Variants in ZNRF2 observed in about 807,000 individuals in gnomAD.
The protein encoded by ZNRF2 is E3 ubiquitin-protein ligase ZNRF2.
In ZNRF2, 16 loss-of-function variants were observed where a neutral mutation model predicts 20.4. The ratio of observed to expected loss-of-function variants is 0.79; its 90% CI spans 0.53 to 1.19. The LOEUF is 1.19. ZNRF2 is among the 50% of genes most tolerant of loss of function. The pLI, the probability that ZNRF2 is intolerant of heterozygous loss-of-function variation, is 0.00. For missense variants in ZNRF2, 363 were observed against 332.4 expected (o/e 1.09, Z -0.72); for synonymous variants, 178 against 144.9 (o/e 1.23, Z -1.64).
intron 1 of ZNRF2, among the ~76,000 whole-genome samples, chr7:30,293,131 A>C (rs1469838662): frequency 6.6e-6 from 1 of 152,096 alleles, no homozygotes; most frequent in Non-Finnish European, 1.5e-5. Flanking sequence ...GAGGTATGAG[A>C]GAAAATGAAG....
Position 30,314,730 on chromosome 7 carries a change from T to G in ZNRF2, c.470-8912T>G, listed in dbSNP as rs1424486063. Among the ~76,000 whole-genome samples, 6 of 152,072 alleles carry G rather than the reference T, an allele frequency of 3.9e-5. No homozygotes were observed. In the East Asian group the frequency reaches 5.8e-4, roughly 15 times the overall value. On this transcript the variant is annotated intron_variant, in intron 1 of 4. Coordinates refer to ENST00000323037, the MANE Select transcript of ZNRF2 (RefSeq NM_147128.4). ...ATTTTTTCACTTGTTATGGGGGAAT[T>G]ATTAAATCTCAAGTACTTTATCGCT...
At position 30,302,253 on chromosome 7, in the gene ZNRF2, T is replaced by G. The variant is rs575764181; in HGVS notation, c.469+16427T>G. Among the ~76,000 whole-genome samples, 5 of 152,324 alleles carry G rather than the reference T, an allele frequency of 3.3e-5. No homozygotes were observed. The East Asian group carries it at 9.6e-4, about 29-fold the overall frequency. On this transcript the variant is annotated intron_variant, in intron 1 of 4. Coordinates refer to ENST00000323037, the MANE Select transcript of ZNRF2 (RefSeq NM_147128.4). ...TCTGTAAACCCAAGCTGCACATGGC[T>G]TAAATGTTCTTTTGTATTTTCGCTG...
At chr7:30,320,165 C>G (rs1016789548) in intron 1 of ZNRF2, among the ~76,000 whole-genome samples, 2 of 151,838 alleles carry the variant, frequency 1.3e-5, no homozygotes, top group African/African-American at 4.8e-5. Flanking sequence ...CTCTGAAGAC[C>G]CCTCTGCCAT....
chr7:30,318,598 A>G (rs941511058), intron 1 of ZNRF2, among the ~76,000 whole-genome samples: 3 of 152,318 alleles, frequency 2.0e-5, no homozygotes, highest in Admixed American at 6.5e-5. Context: ...GTTTAGGATC[A>G]GTCCCTTTTT....
chr7:30,363,403 A>G (rs1357755449), intron 4 of ZNRF2, among the ~76,000 whole-genome samples: 1 of 152,204 alleles, frequency 6.6e-6, no homozygotes, highest in East Asian at 1.9e-4. Context: ...AAGTATAGAG[A>G]GGTTAAGAAA....
intron 1 of ZNRF2, among the ~76,000 whole-genome samples, chr7:30,298,397 T>G (rs1562604813): frequency 6.6e-6 from 1 of 152,190 alleles, no homozygotes; most frequent in East Asian, 1.9e-4. Flanking sequence ...ACTTTTAAAG[T>G]GGGGGGCACT....
Position 30,285,494 on chromosome 7 carries a change from C to T in ZNRF2, c.137C>T (p.Ala46Val). 1.9e-6 allele frequency: 2 copies of T among 1,069,824 alleles called. No individual in the cohort carries two copies. The highest frequency in any genetic ancestry group is 2.9e-5 in the South Asian group (1 of 34,590). 66.3% of individuals were successfully genotyped at this position (1,069,824 alleles called of 1,614,324 possible). ...GGGGGARAAA[A>V]GRFPAQVPSA... is the part of the protein sequence containing the mutation. ...GGCGGGGGCGCTCGGGCCGCCGCCGCGGGGAGGTTCCCGGCTCAGGTGCCC... is the reference window on the plus strand; with the variant it reads ...GGCGGGGGCGCTCGGGCCGCCGCCGTGGGGAGGTTCCCGGCTCAGGTGCCC... The change falls in exon 1 of 5, where the codon GCG becomes GTG. Residue 46 changes from alanine to valine, a missense_variant. Coordinates refer to ENST00000323037, the MANE Select transcript of ZNRF2 (RefSeq NM_147128.4).
chr7:30,323,393 G>A (rs1192467398), intron 1 of ZNRF2, among the ~76,000 whole-genome samples: 2 of 152,174 alleles, frequency 1.3e-5, no homozygotes, highest in African/African-American at 2.4e-5. Context: ...AGAGATACAG[G>A]AGTTTGTAGT....
intron 2 of ZNRF2, among the ~76,000 whole-genome samples, chr7:30,334,686 C>T (rs1799689941): frequency 6.6e-6 from 1 of 152,114 alleles, no homozygotes; most frequent in Admixed American, 6.5e-5. Context: ...TCTTGCATGA[C>T]AGTATGAATC....
chr7:30,334,438 G>C (rs1799686697), intron 2 of ZNRF2, among the ~76,000 whole-genome samples: 2 of 152,220 alleles, frequency 1.3e-5, no homozygotes, highest in East Asian at 3.9e-4. Flanking sequence ...GATGCCTCTG[G>C]CATTGTTCTC....
Position 30,284,823 on chromosome 7 carries a change from CT to C in ZNRF2, c.-532del, listed in dbSNP as rs1798740708. On this transcript the variant is annotated 5_prime_UTR_variant, in exon 1 of 5. Coordinates refer to ENST00000323037, the MANE Select transcript of ZNRF2 (RefSeq NM_147128.4). Reference sequence around the variant, plus strand: ...CCCTCGCGCGCCACCCGTTTTTCCTCTTTCTCCGTTAATAACAGCTGGGTGG... The same window carrying C: ...CCCTCGCGCGCCACCCGTTTTTCCTCTTCTCCGTTAATAACAGCTGGGTGG... The C allele has an allele frequency of 5.2e-6, 1 of 193,866 alleles. No homozygotes were observed. Among genetic ancestry groups the C allele is most frequent in the Non-Finnish European group, 1.1e-5 (1 of 89,692 alleles). The allele number at this position is 193,866 out of a possible 1,614,324, so 12.0% of individuals were successfully genotyped here.
intron 1 of ZNRF2, among the ~76,000 whole-genome samples, chr7:30,299,976 G>C (rs999152500): frequency 6.6e-6 from 1 of 151,280 alleles, no homozygotes; most frequent in Admixed American, 6.6e-5. Flanking sequence ...ATAGAGACGG[G>C]GTTTTCACTG....
chr7:30,289,465 C>T (rs1477432004), intron 1 of ZNRF2, among the ~76,000 whole-genome samples: 1 of 152,140 alleles, frequency 6.6e-6, no homozygotes, highest in Admixed American at 6.5e-5. Context: ...AATCTATTTC[C>T]TATTCCTGAA....
At chr7:30,322,397 CA>C (rs1562612460) in intron 1 of ZNRF2, among the ~76,000 whole-genome samples, 3 of 152,282 alleles carry the variant, frequency 2.0e-5, no homozygotes, top group East Asian at 3.9e-4. Context: ...TGTGAGAACA[CA>C]TGTGTTGGAA....
At chr7:30,355,066 T>G (rs1800015691) in intron 2 of ZNRF2, among the ~76,000 whole-genome samples, 1 of 152,164 alleles carries the variant, frequency 6.6e-6, no homozygotes, top group Admixed American at 6.5e-5. Flanking sequence ...TTGTTTGTTT[T>G]TAAATACCCT....
intron 1 of ZNRF2, among the ~76,000 whole-genome samples, chr7:30,323,043 G>A (rs746008599): frequency 9.9e-5 from 15 of 152,154 alleles, no homozygotes; most frequent in Non-Finnish European, 1.9e-4. Context: ...CCTGTACCCC[G>A]ATCTGATGCT....
At chr7:30,345,756 C>T (rs1424141226) in intron 2 of ZNRF2, among the ~76,000 whole-genome samples, 1 of 152,030 alleles carries the variant, frequency 6.6e-6, no homozygotes, top group African/African-American at 2.4e-5. Flanking sequence ...TGTTCACTTC[C>T]CCCACCCTCC....
chr7:30,318,849 C>T (rs1474931700), intron 1 of ZNRF2, among the ~76,000 whole-genome samples: 2 of 152,136 alleles, frequency 1.3e-5, no homozygotes, highest in African/African-American at 2.4e-5. Flanking sequence ...TGTTGGCTCA[C>T]GCCTGCAATC....
At chr7:30,315,285 CT>C (rs1375802002) in intron 1 of ZNRF2, among the ~76,000 whole-genome samples, 65 of 152,210 alleles carry the variant, frequency 4.3e-4, no homozygotes, top group African/African-American at 1.5e-3. Flanking sequence ...GAAATAATCC[CT>C]TGGAAATCTC....
Sources: allele counts gnomAD v4.1 joint callset (sites outside exome capture counted in the v4.1 genomes callset), GRCh38; gene constraint gnomAD v4.1.1; transcripts MANE v1.5; gene names NCBI Gene and HGNC (gene_info 2026-07-23, HGNC 2026-07-21).